Variants in LMBR1L observed in about 807,000 individuals in gnomAD.
LMBR1L encodes the protein protein LMBR1L.
In LMBR1L, 47 loss-of-function variants were observed where a neutral mutation model predicts 67.3. The observed-to-expected ratio is 0.70, with a 90% CI of 0.55 to 0.89. The LOEUF is 0.89. Ranked by LOEUF, LMBR1L falls within the 40% of genes least tolerant of loss-of-function variation. The probability of loss-of-function intolerance (pLI) is 0.00; values close to 1 mark genes in which losing one functional copy is unlikely to be tolerated. For missense variants in LMBR1L, 533 were observed against 599.2 expected (o/e 0.89, Z 1.15); for synonymous variants, 247 against 250.3 (o/e 0.99, Z 0.13).
chr12:49,103,905 T>C lies in LMBR1L; in HGVS notation c.436-92A>G, dbSNP rs547275259. 9 of 1,394,074 alleles carry C rather than the reference T, an allele frequency of 6.5e-6. No individual in the cohort carries two copies. The African/African-American group carries it at 1.1e-4, about 18-fold the overall frequency. The allele number at this position is 1,394,074 out of a possible 1,614,324, so 86.4% of individuals were successfully genotyped here. Reference sequence around the variant, plus strand: ...GGCAGCCTGCAGGAACCAGAAAGGTTTGGATTCAGGAGGTAAGAGAGAGGG... The same window carrying C: ...GGCAGCCTGCAGGAACCAGAAAGGTCTGGATTCAGGAGGTAAGAGAGAGGG... On this transcript the variant is annotated intron_variant, in intron 5 of 16. Transcript: ENST00000267102.
In LMBR1L at chr12:49,106,042, C is replaced by A. The variant is rs1221944240; in HGVS notation, c.158-85G>T. 5 of 1,144,504 alleles carry A rather than the reference C, an allele frequency of 4.4e-6. No homozygotes were observed. The African/African-American group carries it at 4.6e-5, about 11-fold the overall frequency. 70.9% of individuals were successfully genotyped at this position (1,144,504 alleles called of 1,614,324 possible). On this transcript the variant is annotated intron_variant, in intron 2 of 16. Transcript: ENST00000267102. ...CGTTAGTATTACAATGTGCTCCCTG[C>A]CCCATCCCTGCCCCCTCAAAGAAGG...
At position 49,097,437 on chromosome 12, in the gene LMBR1L, G is replaced by T; in HGVS notation, c.*235C>A. The stretch of plus-strand genomic sequence containing the variant: ...TAAACAGATTTGGGATCAGGGGCTA[G>T]ACCCAGTCACCCAGCCCTACCCCAT... On this transcript the variant is annotated 3_prime_UTR_variant, in exon 17 of 17. Coordinates refer to ENST00000267102, the MANE Select transcript of LMBR1L (RefSeq NM_018113.4). 3 of 564,964 alleles carry T rather than the reference G, an allele frequency of 5.3e-6. No homozygotes were observed. The highest frequency in any genetic ancestry group is 3.2e-6 in the Non-Finnish European group (1 of 313,576). 35.0% of individuals were successfully genotyped at this position (564,964 alleles called of 1,614,324 possible). A position where few individuals can be genotyped will look rare whatever the true frequency, so the allele number is the denominator to read the frequency against.
In LMBR1L at chr12:49,104,762, G is replaced by C. The variant is rs375525732; in HGVS notation, c.315C>G (p.Asn105Lys). The C allele has an allele frequency of 3.0e-5, 48 of 1,613,318 alleles. No homozygotes were observed. The highest frequency in any genetic ancestry group is 4.1e-5 in the Non-Finnish European group (48 of 1,179,712). Reference sequence around the variant, plus strand: ...GCCACACACCATGGATGAGGGAGCCGTTGAGCCACTGGATGTAGTAGTTCC... The same window carrying C: ...GCCACACACCATGGATGAGGGAGCCCTTGAGCCACTGGATGTAGTAGTTCC... The part of the protein sequence containing the change: ...LPRNYYIQWL[N>K]GSLIHGLWNL... Residue 105 changes from asparagine to lysine, a missense_variant, in exon 4 of 17, where the codon AAC (asparagine) becomes AAG (lysine). By Grantham distance (94) the Asn-to-Lys change is moderately conservative (BLOSUM62 0). This residue lies in a region of LMBR1L where 246 missense variants were observed against 249.0 expected (regional missense o/e 0.99). Coordinates refer to ENST00000267102, the MANE Select transcript of LMBR1L (RefSeq NM_018113.4).
rs372096261 is a variant in LMBR1L, at chr12:49,097,716, C to T, written c.1426G>A (p.Val476Ile). 1.5e-5 allele frequency: 25 copies of T among 1,613,888 alleles called. No individual in the cohort carries two copies. The highest frequency in any genetic ancestry group is 1.7e-4 in the Middle Eastern group (1 of 5,906). Residue 476 changes from valine to isoleucine, a missense_variant, in exon 17 of 17, where the codon GTC (valine) becomes ATC (isoleucine). Around this residue, in one of 3 missense-constraint regions of LMBR1L, gnomAD observed 223 missense variants for 241.2 expected, o/e 0.92. Coordinates refer to ENST00000267102, the MANE Select transcript of LMBR1L (RefSeq NM_018113.4). ...CTAGATGCCTGGGGGAAACCGGAGA[C>T]GGGCAGCGGCAGTCTGTCCAGCCCT... ...AFGLDRLPLP[V>I]SGFPQASRKT...
intron 8 of LMBR1L, 57 bp downstream of exon 8, chr12:49,102,830 T>C (rs761682145): frequency 3.8e-5 from 57 of 1,511,032 alleles, no homozygotes; most frequent in Non-Finnish European, 5.2e-5. Context: ...CATTGTTTGG[T>C]TCCAGCTCTG....
Position 49,102,553 on chromosome 12 carries a change from G to A in LMBR1L, c.697-13C>T, listed in dbSNP as rs1351799720. ...GGTCTTCCAGCAGCTAGGGGCAGGGGAAAGGAAGAGACTAACTGTCAGAGG... is the reference window on the plus strand; with the variant it reads ...GGTCTTCCAGCAGCTAGGGGCAGGGAAAAGGAAGAGACTAACTGTCAGAGG... On this transcript the variant is annotated splice_polypyrimidine_tract_variant and intron_variant, in intron 8 of 16. Transcript: ENST00000267102. 8 of 1,613,416 alleles carry A rather than the reference G, an allele frequency of 5.0e-6. No homozygotes were observed. Among genetic ancestry groups the A allele is most frequent in the Non-Finnish European group, 5.9e-6 (7 of 1,179,626 alleles).
At chr12:49,100,973 C>T (rs1940098341) in intron 13 of LMBR1L, 2 of 593,632 alleles carry the variant, frequency 3.4e-6, no homozygotes, top group African/African-American at 1.9e-5. Context: ...AAGCAATCTA[C>T]CCGCCTCAGC....
chr12:49,097,557 GC>G lies in LMBR1L; in HGVS notation c.*114del. 1 of 1,068,140 alleles carries G rather than the reference GC, an allele frequency of 9.4e-7. No homozygotes were observed. The highest frequency in any genetic ancestry group is 1.4e-6 in the Non-Finnish European group (1 of 701,024). 66.2% of individuals were successfully genotyped at this position (1,068,140 alleles called of 1,614,324 possible). A position where few individuals can be genotyped will look rare whatever the true frequency, so the allele number is the denominator to read the frequency against. ...AGTGCAGATGGCTCTGCTCCCCTCT[GC>G]CACCCACCCTCTCAGATTCCAGGTC... On this transcript the variant is annotated 3_prime_UTR_variant, in exon 17 of 17. Coordinates refer to ENST00000267102, the MANE Select transcript of LMBR1L (RefSeq NM_018113.4).
At chr12:49,098,365 G>A (rs1318566984) in intron 15 of LMBR1L, among the ~76,000 whole-genome samples, 2 of 152,142 alleles carry the variant, frequency 1.3e-5, no homozygotes, top group Non-Finnish European at 2.9e-5. Context: ...GTGTCCCCAG[G>A]AACTCCCAGG....
chr12:49,103,722 A>C lies in LMBR1L; in HGVS notation c.527T>G (p.Val176Gly). The C allele has an allele frequency of 1.2e-6, 2 of 1,614,150 alleles. No homozygotes were observed. Among genetic ancestry groups the C allele is most frequent in the Non-Finnish European group, 1.7e-6 (2 of 1,180,018 alleles). ...CTCTCTGTTGGCCTTGTTCTTGTCC[A>C]CAATGGCTGATGCCACCCACACCAT... ...LGMVWVASAI[V>G]DKNKANRESL... is the part of the protein sequence containing the mutation. The change falls in exon 6 of 17, where the codon GTG (valine) becomes GGG (glycine). Residue 176 changes from valine (V) to glycine (G), a missense_variant. This residue lies in a region of LMBR1L where 246 missense variants were observed against 249.0 expected (regional missense o/e 0.99). Coordinates refer to ENST00000267102, the MANE Select transcript of LMBR1L (RefSeq NM_018113.4).
rs1448040239 is a variant in LMBR1L at position 49,104,446 on chromosome 12, AC to A, written c.435+1del. 6.3e-7 allele frequency: 1 copy of A among 1,595,862 alleles called. No individual in the cohort carries two copies. Among genetic ancestry groups the A allele is most frequent in the East Asian group, 2.2e-5 (1 of 44,798 alleles). On this transcript the variant is annotated splice_donor_variant, in intron 5 of 16. Coordinates refer to ENST00000267102, the MANE Select transcript of LMBR1L (RefSeq NM_018113.4). LOFTEE classifies it high-confidence loss of function. Reference sequence around the variant, plus strand: ...CTGCCTGGATACATATCCCCTACTTACCTTTCTGGAGCCAGCAAAGCCCTCA... The same window carrying A: ...CTGCCTGGATACATATCCCCTACTTACTTTCTGGAGCCAGCAAAGCCCTCA...
chr12:49,100,732 C>CT (rs112884400), intron 13 of LMBR1L, 86 bp from the exon 14 acceptor site: 69,655 of 783,960 alleles, frequency 0.089, 897 homozygotes, highest in African/African-American at 0.2. Flanking sequence ...CAGCCCACTT[C>CT]TTTTTTTTTT....
chr12:49,106,729 C>T (rs758219304), intron 2 of LMBR1L: 15 of 907,222 alleles, frequency 1.7e-5, no homozygotes, highest in Admixed American at 1.0e-4. Context: ...ATTGTTACGC[C>T]CATTTTGTAG....
At position 49,101,255 on chromosome 12, in the gene LMBR1L, G is replaced by T. The variant is rs781620146; in HGVS notation, c.1077C>A (p.Leu359=). ...ATGGGTTTCCAGAAGGATACAAGAT[G>T]AGTACAACCTGAATGACGGCACCAA... is the stretch of plus-strand genomic sequence containing the variant. The part of the protein sequence containing the change: ...GSFGAVIQVV[L]IFYLMVSSVV... Residue 359 remains leucine, a synonymous_variant, in exon 13 of 17, where the codon CTC becomes CTA. Transcript: ENST00000267102. 6.2e-7 allele frequency: 1 copy of T among 1,614,046 alleles called. No individual in the cohort carries two copies. Among genetic ancestry groups the T allele is most frequent in the Admixed American group, 1.7e-5 (1 of 59,994 alleles).
rs541558889 is a variant in LMBR1L, at chr12:49,110,233, AGGGAGGGGCAG to A, written c.72+240_72+250del. ...GAAGACGCGCTGGGTGAGGGGTGGG[AGGGAGGGGCAG>A]GGGAGGGGCGTGTGGGGGAGGAACG... On this transcript the variant is annotated intron_variant, in intron 1 of 16. Transcript: ENST00000267102. The A allele has an allele frequency of 5.1e-3, 1,265 of 249,186 alleles. 22 individuals are homozygous for A. The African/African-American group carries it at 0.096, about 19-fold the overall frequency. The allele number at this position is 249,186 out of a possible 1,614,324, so 15.4% of individuals were successfully genotyped here.
chr12:49,102,093 C>A, intron 11 of LMBR1L, 27 bp downstream of exon 11: 1 of 1,607,626 alleles, frequency 6.2e-7, no homozygotes, highest in South Asian at 1.1e-5. Context: ...AGGGTCCACT[C>A]CTCACCTCTA....
intron 4 of LMBR1L, 92 bp from the exon 5 acceptor site, chr12:49,104,643 G>A (rs1939881109): frequency 1.9e-6 from 3 of 1,572,256 alleles, no homozygotes; most frequent in Non-Finnish European, 2.6e-6. Flanking sequence ...GAGTGGGAAG[G>A]TGCGACATAT....
At position 49,104,753 on chromosome 12, in the gene LMBR1L, G is replaced by A; in HGVS notation, c.324C>T (p.Leu108=). 1 of 1,613,480 alleles carries A rather than the reference G, an allele frequency of 6.2e-7. No individual in the cohort carries two copies. The highest frequency in any genetic ancestry group is 8.5e-7 in the Non-Finnish European group (1 of 1,179,740). The change falls in exon 4 of 17, where the codon CTC becomes CTT. Residue 108 remains leucine (L), a synonymous_variant. Transcript: ENST00000267102. ...CTTCCAGGAGCCACACACCATGGAT[G>A]AGGGAGCCGTTGAGCCACTGGATGT... ...NYYIQWLNGS[L]IHGLWNLVFL...
Position 49,097,561 on chromosome 12 carries a change from C to A in LMBR1L, c.*111G>T. ...CAGATGGCTCTGCTCCCCTCTGCCA[C>A]CCACCCTCTCAGATTCCAGGTCCTG... On this transcript the variant is annotated 3_prime_UTR_variant, in exon 17 of 17. Coordinates refer to ENST00000267102, the MANE Select transcript of LMBR1L (RefSeq NM_018113.4). 9.0e-7 allele frequency: 1 copy of A among 1,111,164 alleles called. No individual in the cohort carries two copies. Among genetic ancestry groups the A allele is most frequent in the Non-Finnish European group, 1.4e-6 (1 of 738,116 alleles). The allele number at this position is 1,111,164 out of a possible 1,614,324, so 68.8% of individuals were successfully genotyped here.
Sources: allele counts gnomAD v4.1 joint callset (sites outside exome capture counted in the v4.1 genomes callset), GRCh38; gene constraint gnomAD v4.1.1; regional missense constraint gnomAD v4.1.1; transcripts MANE v1.5; gene names NCBI Gene and HGNC (gene_info 2026-07-23, HGNC 2026-07-21).